Variants in KANK4 observed in about 807,000 individuals in gnomAD.
KANK4 encodes KN motif and ankyrin repeat domain-containing protein 4.
A neutral mutation model predicts 80.8 loss-of-function variants in KANK4; 50 were observed. That is an observed-to-expected ratio of 0.62 (90% CI 0.49 to 0.78). KANK4 has a LOEUF of 0.78. Among genes scored for constraint, KANK4 ranks in the 30% least tolerant of loss-of-function variants. The pLI, the probability that KANK4 is intolerant of heterozygous loss-of-function variation, is 0.00. For synonymous variants in KANK4, 465 were observed against 506.9 expected, an observed-to-expected ratio of 0.92 and a Z score of 1.11; for missense variants, 1,196 against 1,240.1, an observed-to-expected ratio of 0.96 and a Z score of 0.53.
intron 4 of KANK4, 37 bp downstream of exon 4, chr1:62,271,441 C>G (rs781424641): frequency 7.3e-7 from 1 of 1,366,624 alleles, no homozygotes; most frequent in South Asian, 1.2e-5. Context: ...GGAGAGGTAG[C>G]AAGAAAGGCA....
chr1:62,302,536 C>G (rs1464213593), intron 1 of KANK4, among the ~76,000 whole-genome samples: 1 of 152,000 alleles, frequency 6.6e-6, no homozygotes, highest in Non-Finnish European at 1.5e-5. Flanking sequence ...ATCCTAACCC[C>G]CAATGTGATG....
At chr1:62,302,858 T>C (rs1188092867) in intron 1 of KANK4, among the ~76,000 whole-genome samples, 1 of 152,076 alleles carries the variant, frequency 6.6e-6, no homozygotes, top group Non-Finnish European at 1.5e-5. Context: ...AGGTTAGCAG[T>C]AGGAGAATCT....
chr1:62,260,999 C>T (rs551061174), intron 7 of KANK4, among the ~76,000 whole-genome samples: 1 of 152,250 alleles, frequency 6.6e-6, no homozygotes, highest in Non-Finnish European at 1.5e-5. Flanking sequence ...AGATGATCCA[C>T]TGGAAACTAA....
At chr1:62,283,746 T>C (rs1281193436) in intron 1 of KANK4, among the ~76,000 whole-genome samples, 2 of 152,202 alleles carry the variant, frequency 1.3e-5, no homozygotes, top group African/African-American at 2.4e-5. Context: ...AGCTGGACTT[T>C]TGGCTTCACA....
intron 9 of KANK4, among the ~76,000 whole-genome samples, chr1:62,239,580 A>G (rs1460692927): frequency 2.6e-5 from 4 of 152,090 alleles, no homozygotes; most frequent in Non-Finnish European, 5.9e-5. Flanking sequence ...TTTGTTACAC[A>G]TGTATATATG....
At chr1:62,298,160 A>C (rs895419030) in intron 1 of KANK4, 2 of 152,164 alleles carry the variant, frequency 1.3e-5, no homozygotes, top group African/African-American at 4.8e-5. Flanking sequence ...TAAATATGAA[A>C]TGCTTCATGA....
At chr1:62,238,998 T>C (rs1671276372) in intron 9 of KANK4, among the ~76,000 whole-genome samples, 1 of 152,104 alleles carries the variant, frequency 6.6e-6, no homozygotes. Context: ...TACATGTATC[T>C]AAGTGAAAGT....
intron 1 of KANK4, among the ~76,000 whole-genome samples, chr1:62,318,818 A>G (rs1644564515): frequency 6.6e-6 from 1 of 152,164 alleles, no homozygotes. Flanking sequence ...CGGAGAGCCA[A>G]TCTGGGCTGG....
intron 1 of KANK4, among the ~76,000 whole-genome samples, chr1:62,315,137 T>C (rs1394813801): frequency 2.0e-5 from 3 of 152,184 alleles, no homozygotes; most frequent in Admixed American, 6.5e-5. Context: ...AAACTTGGTC[T>C]GGGAGATTGG....
chr1:62,247,596 G>A lies in KANK4; in HGVS notation c.2759C>T (p.Ala920Val). The A allele has an allele frequency of 6.2e-7, 1 of 1,614,048 alleles. No homozygotes were observed. Among genetic ancestry groups the A allele is most frequent in the Non-Finnish European group, 8.5e-7 (1 of 1,180,002 alleles). The stretch of plus-strand genomic sequence containing the variant: ...ATCGTGGTCCTGCAGATTGACATCT[G>A]CCTGGCAGCTAAGCAGCGCTTGAAC... ...DMVQALLSCQADVNLQDHDGS... is the reference protein window; with the variant it reads ...DMVQALLSCQVDVNLQDHDGS... The change falls in exon 9 of 10, where the codon GCA becomes GTA. Residue 920 changes from alanine (A) to valine (V), a missense_variant. Physicochemically the swap from Ala to Val is moderately conservative, Grantham distance 64. Around this residue, in one of 3 missense-constraint regions of KANK4, gnomAD observed 1,154 missense variants for 1,179.6 expected, o/e 0.98. Transcript: ENST00000371153.
intron 1 of KANK4, among the ~76,000 whole-genome samples, chr1:62,291,664 A>G (rs1672680932): frequency 1.3e-5 from 2 of 152,078 alleles, no homozygotes; most frequent in African/African-American, 4.8e-5. Flanking sequence ...CTGGAGTGCA[A>G]TGACGTGATC....
intron 1 of KANK4, among the ~76,000 whole-genome samples, chr1:62,313,094 A>C (rs981336211): frequency 6.6e-6 from 1 of 152,182 alleles, no homozygotes; most frequent in Non-Finnish European, 1.5e-5. Flanking sequence ...ATATTCACAT[A>C]GTTTTTGTTA....
chr1:62,316,748 T>A (rs74078540), intron 1 of KANK4, among the ~76,000 whole-genome samples: 9,098 of 152,264 alleles, frequency 0.06, 943 homozygotes, highest in African/African-American at 0.2. Context: ...TAAGAAATAC[T>A]GGACAGGACA....
In KANK4 at chr1:62,247,649, C is replaced by T. The variant is rs751040393; in HGVS notation, c.2706G>A (p.Leu902=). ...ATQGGQTALM[L]GVSHDREDMV... ...TGTCCTCCCTGTCGTGGCTGACTCC[C>T]AGCATCAGCGCAGTCTGGCCTCCCT... The change falls in exon 9 of 10, where the codon CTG becomes CTA. Residue 902 remains leucine, a synonymous_variant. Transcript: ENST00000371153. 1.2e-6 allele frequency: 2 copies of T among 1,613,904 alleles called. No homozygotes were observed. Among genetic ancestry groups the T allele is most frequent in the East Asian group, 4.5e-5 (2 of 44,846 alleles).
rs1672214556 is a variant in KANK4, at chr1:62,273,384, G to A, written c.1720C>T (p.Gln574Ter). Residue 574 changes from glutamine (Q) to a stop codon, truncating the protein, a stop_gained, in exon 3 of 10, where the codon CAG (glutamine) becomes TAG (stop). Coordinates refer to ENST00000371153, the MANE Select transcript of KANK4 (RefSeq NM_181712.5). LOFTEE classifies it high-confidence loss of function. ...VKKIQELLQEQWNCLEHGYPE... is the reference protein window; with the variant it reads ...VKKIQELLQE The stretch of plus-strand genomic sequence containing the variant: ...TACCCATGCTCCAGGCAGTTCCACT[G>A]CTCCTGCAGGAGCTCCTGGATCTTC... 14 of 1,607,300 alleles carry A rather than the reference G, an allele frequency of 8.7e-6. No homozygotes were observed. Among genetic ancestry groups the A allele is most frequent in the African/African-American group, 1.3e-5 (1 of 74,888 alleles).
intron 7 of KANK4, among the ~76,000 whole-genome samples, chr1:62,254,634 A>C (rs1570973370): frequency 1.3e-5 from 2 of 149,842 alleles, no homozygotes. Context: ...GCTCACTGCA[A>C]CCTCCGCCTC....
intron 8 of KANK4, among the ~76,000 whole-genome samples, chr1:62,250,317 T>C (rs1479519065): frequency 6.6e-6 from 1 of 152,224 alleles, no homozygotes; most frequent in South Asian, 2.1e-4. Context: ...AGATGACATA[T>C]GCAGATGGTC....
Position 62,238,256 on chromosome 1 carries a change from C to A in KANK4, c.*21G>T, listed in dbSNP as rs746032364. ...CAGAGAAGAAGGCTTTTGTTCCCCA[C>A]GGCCAGTTCTTCTGCAGCCCCTACA... On this transcript the variant is annotated 3_prime_UTR_variant, in exon 10 of 10. Coordinates refer to ENST00000371153, the MANE Select transcript of KANK4 (RefSeq NM_181712.5). The A allele has an allele frequency of 1.3e-6, 2 of 1,573,440 alleles. No individual in the cohort carries two copies. The highest frequency in any genetic ancestry group is 2.2e-5 in the South Asian group (2 of 90,170).
rs760463879 is a variant in KANK4, at chr1:62,266,811, G to T, written c.2240C>A (p.Pro747His). 6 of 1,602,172 alleles carry T rather than the reference G, an allele frequency of 3.7e-6. No homozygotes were observed. The highest frequency in any genetic ancestry group is 5.1e-6 in the Non-Finnish European group (6 of 1,170,020). Residue 747 changes from proline (P) to histidine (H), a missense_variant, in exon 6 of 10, where the codon CCC becomes CAC. By Grantham distance (77) the Pro-to-His change is moderately conservative (BLOSUM62 -2). This residue lies in a region of KANK4 where 1,154 missense variants were observed against 1,179.6 expected (regional missense o/e 0.98). Coordinates refer to ENST00000371153, the MANE Select transcript of KANK4 (RefSeq NM_181712.5). The part of the protein sequence containing the change: ...VPHSKAERYK[P>H]SEEFLNACRA... ...GCATGCATTAAGAAATTCTTCTGAGGGTTTATATCTAAATAAAACAAACAT... is the reference window on the plus strand; with the variant it reads ...GCATGCATTAAGAAATTCTTCTGAGTGTTTATATCTAAATAAAACAAACAT...
Sources: gnomAD v4.1 joint callset for allele counts (sites outside exome capture counted in the v4.1 genomes callset) on GRCh38, gnomAD v4.1.1 for gene constraint, gnomAD v4.1.1 regional missense constraint, MANE v1.5 for transcripts, NCBI Gene and HGNC (gene_info 2026-07-23, HGNC 2026-07-21) for gene names.